The following ADAMTS19 variants were observed in gnomAD, a reference collection of about 807,000 sequenced individuals.
ADAMTS19 encodes ADAM metallopeptidase with thrombospondin type 1 motif 19.
A neutral mutation model predicts 153.3 loss-of-function variants in ADAMTS19; 93 were observed. The ratio of observed to expected loss-of-function variants is 0.61; its 90% CI spans 0.51 to 0.72. The LOEUF is 0.72. Ranked by LOEUF, ADAMTS19 falls within the 30% of genes least tolerant of loss-of-function variation. The probability of loss-of-function intolerance (pLI) is 0.00; values close to 1 mark genes in which losing one functional copy is unlikely to be tolerated. For synonymous variants in ADAMTS19, 600 were observed against 556.6 expected, an observed-to-expected ratio of 1.08 and a Z score of -1.10; for missense variants, 1,482 against 1,552.1, an observed-to-expected ratio of 0.95 and a Z score of 0.76.
chr5:129,626,307 C>G (rs888603269), intron 10 of ADAMTS19, among the ~76,000 whole-genome samples: 2 of 152,062 alleles, frequency 1.3e-5, no homozygotes, highest in African/African-American at 4.8e-5. Flanking sequence ...TTTTTGTCTC[C>G]TATAGCACCT....
rs1754004654 is a variant in ADAMTS19, at chr5:129,573,952, G to T, written c.1372+22045G>T. Among the ~76,000 whole-genome samples, 8 of 151,958 alleles carry T rather than the reference G, an allele frequency of 5.3e-5. 1 individual carries two copies. The South Asian group carries it at 1.5e-3, about 28-fold the overall frequency. ...AAAGTCCTCATATTTTTTTTCAGTT[G>T]TTGGGATAAACTCTGGAAAATGGCA... On this transcript the variant is annotated intron_variant, in intron 7 of 22. Coordinates refer to ENST00000274487, the MANE Select transcript of ADAMTS19 (RefSeq NM_133638.6).
chr5:129,676,041 A>G (rs30652), intron 16 of ADAMTS19, among the ~76,000 whole-genome samples: 22,645 of 151,958 alleles, frequency 0.15, 1,873 homozygotes, highest in East Asian at 0.3. Flanking sequence ...TCTCAGAAAA[A>G]ATAATAATAA....
chr5:129,489,699 G>T (rs949208383), intron 2 of ADAMTS19, among the ~76,000 whole-genome samples: 2 of 152,074 alleles, frequency 1.3e-5, no homozygotes, highest in Non-Finnish European at 2.9e-5. Context: ...TTTACTTTTG[G>T]AGTACTCTGG....
intron 21 of ADAMTS19, among the ~76,000 whole-genome samples, chr5:129,727,554 A>G (rs143033859): frequency 5.9e-5 from 9 of 152,298 alleles, no homozygotes; most frequent in Non-Finnish European, 2.9e-5. Context: ...CAAGTATTAA[A>G]TAGTGCTTAA....
At chr5:129,670,592 C>A (rs1293064739) in intron 16 of ADAMTS19, among the ~76,000 whole-genome samples, 2 of 152,098 alleles carry the variant, frequency 1.3e-5, no homozygotes, top group Non-Finnish European at 2.9e-5. Context: ...CATGCTGCCT[C>A]CTTTTTAGTT....
rs143433098 is a variant in ADAMTS19 at position 129,508,833 on chromosome 5, G to A, written c.748-244G>A. ...TTTTTACTGTGCATCTGTTGCTGGC[G>A]TCTAGCCTCCCACCCACACGGATTA... On this transcript the variant is annotated intron_variant, in intron 2 of 22. Coordinates refer to ENST00000274487, the MANE Select transcript of ADAMTS19 (RefSeq NM_133638.6). 4.8e-3 allele frequency among the ~76,000 whole-genome samples: 733 copies of A among 152,010 alleles called. 4 individuals are homozygous for A. Among genetic ancestry groups the A allele is most frequent in the Non-Finnish European group, 6.8e-3 (460 of 67,936 alleles).
intron 6 of ADAMTS19, among the ~76,000 whole-genome samples, chr5:129,545,168 T>C (rs890428623): frequency 1.1e-4 from 16 of 151,898 alleles, no homozygotes; most frequent in South Asian, 8.3e-4. Flanking sequence ...AAATAAAAAA[T>C]TTCAAAATAT....
intron 10 of ADAMTS19, among the ~76,000 whole-genome samples, chr5:129,636,351 T>G (rs975358437): frequency 6.6e-6 from 1 of 152,226 alleles, no homozygotes. Flanking sequence ...AAGGGGAATC[T>G]TTTTATCTTA....
In ADAMTS19 at chr5:129,709,307, T is replaced by G. The variant is rs184008222; in HGVS notation, c.3312+4916T>G. Among the ~76,000 whole-genome samples, 530 of 152,218 alleles carry G rather than the reference T, an allele frequency of 3.5e-3. 9 individuals are homozygous for G. Among genetic ancestry groups the G allele is most frequent in the Middle Eastern group, 0.02 (6 of 294 alleles). ...TCTACAATAAATTGTTTTCTCATTTTCTATGGGAACAATGCTTTGGCTGAA... is the reference window on the plus strand; with the variant it reads ...TCTACAATAAATTGTTTTCTCATTTGCTATGGGAACAATGCTTTGGCTGAA... On this transcript the variant is annotated intron_variant, in intron 21 of 22. Transcript: ENST00000274487.
At chr5:129,482,071 T>C (rs78505758) in intron 2 of ADAMTS19, among the ~76,000 whole-genome samples, 1,667 of 152,252 alleles carry the variant, frequency 0.011, 40 homozygotes, top group African/African-American at 0.038. Flanking sequence ...TCCCAAAAAA[T>C]AGTTTCAGAC....
In ADAMTS19 at chr5:129,735,109, G is replaced by T; in HGVS notation, c.3490G>T (p.Ala1164Ser). 6.4e-7 allele frequency: 1 copy of T among 1,552,950 alleles called. No individual in the cohort carries two copies. Among genetic ancestry groups the T allele is most frequent in the Non-Finnish European group, 8.7e-7 (1 of 1,154,656 alleles). Residue 1164 changes from alanine to serine, a missense_variant and splice_region_variant, in exon 22 of 23, where the codon GCT (alanine) becomes TCT (serine). This residue lies in a region of ADAMTS19 where 616 missense variants were observed against 724.4 expected (regional missense o/e 0.85). Transcript: ENST00000274487. ...NVNTITSPRL[A>S]ALTFKCLGDQ... The stretch of plus-strand genomic sequence containing the variant: ...AAATACCATAACATCACCCAGACTG[G>T]GTAAGCAGACAAAAAAAAAAGATGC...
At chr5:129,710,281 G>A (rs1249208367) in intron 21 of ADAMTS19, among the ~76,000 whole-genome samples, 1 of 152,142 alleles carries the variant, frequency 6.6e-6, no homozygotes, top group Non-Finnish European at 1.5e-5. Flanking sequence ...GTCCATCCAT[G>A]TCCCTGTAAA....
chr5:129,658,624 G>A lies in ADAMTS19; in HGVS notation c.2312G>A (p.Gly771Asp). ...ICANGRCQKVGCDGLLGSLAR... is the reference protein window; with the variant it reads ...ICANGRCQKVDCDGLLGSLAR... ...GTCACTCTCTTGTTACAGAAAGTTG[G>A]CTGTGATGGTTTATTAGGGTCTCTT... The change falls in exon 15 of 23, where the codon GGC becomes GAC. Residue 771 changes from glycine (G) to aspartate (D), a missense_variant. By Grantham distance (94) the Gly-to-Asp change is moderately conservative. Transcript: ENST00000274487. 1 of 1,610,642 alleles carries A rather than the reference G, an allele frequency of 6.2e-7. No homozygotes were observed.
intron 6 of ADAMTS19, among the ~76,000 whole-genome samples, chr5:129,544,578 T>C (rs975174002): frequency 2.0e-5 from 3 of 152,090 alleles, no homozygotes; most frequent in African/African-American, 7.2e-5. Context: ...AAAAATACAA[T>C]AAGCGCACTT....
At chr5:129,581,092 A>AT (rs1749492306) in intron 7 of ADAMTS19, among the ~76,000 whole-genome samples, 1 of 152,210 alleles carries the variant, frequency 6.6e-6, no homozygotes, top group African/African-American at 2.4e-5. Flanking sequence ...TAGGCTATTA[A>AT]TTACTGCCTC....
At chr5:129,703,993 C>G (rs1056317107) in intron 20 of ADAMTS19, among the ~76,000 whole-genome samples, 2 of 152,034 alleles carry the variant, frequency 1.3e-5, no homozygotes, top group Admixed American at 6.6e-5. Flanking sequence ...TGTTATATTA[C>G]TCTCTGTAAT....
At chr5:129,683,349 G>A (rs1033124878) in intron 17 of ADAMTS19, among the ~76,000 whole-genome samples, 5 of 152,004 alleles carry the variant, frequency 3.3e-5, no homozygotes, top group African/African-American at 4.8e-5. Context: ...ATATAGTTCA[G>A]TCCAACGTGT....
intron 7 of ADAMTS19, among the ~76,000 whole-genome samples, chr5:129,587,900 C>T (rs571084896): frequency 9.9e-5 from 15 of 152,106 alleles, no homozygotes; most frequent in Non-Finnish European, 2.1e-4. Context: ...TGCTAAAAAT[C>T]AGCAAATACT....
At chr5:129,499,344 T>G (rs1201804571) in intron 2 of ADAMTS19, among the ~76,000 whole-genome samples, 1 of 152,070 alleles carries the variant, frequency 6.6e-6, no homozygotes, top group Non-Finnish European at 1.5e-5. Context: ...ATTTTGAATA[T>G]CTAAATGTGA....
Sources: gnomAD v4.1 joint callset for allele counts (sites outside exome capture counted in the v4.1 genomes callset) on GRCh38, gnomAD v4.1.1 for gene constraint, gnomAD v4.1.1 regional missense constraint, MANE v1.5 for transcripts, NCBI Gene and HGNC (gene_info 2026-07-23, HGNC 2026-07-21) for gene names.